Variants in SLC5A9 observed in about 807,000 individuals in gnomAD.
SLC5A9 encodes the protein solute carrier family 5 member 9, also known as sodium/glucose cotransporter 4.
SLC5A9 carries 59 observed loss-of-function variants against 70.9 expected under a neutral mutation model. That is an observed-to-expected ratio of 0.83 (90% CI 0.68 to 1.03). The LOEUF (loss-of-function observed/expected upper bound fraction) is 1.03. Ranked by LOEUF, SLC5A9 falls within the 50% of genes least tolerant of loss-of-function variation. The pLI is 0.00. For synonymous variants in SLC5A9, 340 were observed against 346.5 expected, an observed-to-expected ratio of 0.98 and a Z score of 0.21; for missense variants, 832 against 881.1, an observed-to-expected ratio of 0.94 and a Z score of 0.71.
In SLC5A9 at chr1:48,235,728, G is replaced by C. The variant is rs1241496293; in HGVS notation, c.1142-1G>C. The C allele has an allele frequency of 4.3e-6, 7 of 1,614,168 alleles. No homozygotes were observed. The highest frequency in any genetic ancestry group is 5.9e-6 in the Non-Finnish European group (7 of 1,180,028). Reference sequence around the variant, plus strand: ...TTCACATGAGCCTCGTCTCTCCCCAGGTCTGCGGGGGCTGATGATTGCCGT... The same window carrying C: ...TTCACATGAGCCTCGTCTCTCCCCACGTCTGCGGGGGCTGATGATTGCCGT... On this transcript the variant is annotated splice_acceptor_variant, in intron 9 of 13. Transcript: ENST00000438567. LOFTEE classifies it high-confidence loss of function.
At chr1:48,224,006 C>T (rs933770384) in intron 1 of SLC5A9, among the ~76,000 whole-genome samples, 1 of 152,228 alleles carries the variant, frequency 6.6e-6, no homozygotes, top group African/African-American at 2.4e-5. Flanking sequence ...TTTATCACTC[C>T]CTCGTGACTG....
chr1:48,237,551 A>G, intron 10 of SLC5A9, 128 bp from the exon 11 acceptor site: 1 of 867,728 alleles, frequency 1.2e-6, no homozygotes, highest in Non-Finnish European at 1.8e-6. Flanking sequence ...CTGGCTGCCA[A>G]CCTTCTCTGA....
chr1:48,231,431 C>G, intron 5 of SLC5A9, 114 bp from the exon 6 acceptor site: 1 of 1,304,152 alleles, frequency 7.7e-7, no homozygotes. Context: ...AGTTCCCCTG[C>G]TAAGAGGGCT....
chr1:48,232,157 C>T lies in SLC5A9; in HGVS notation c.897+6C>T, dbSNP rs373477132. Reference sequence around the variant, plus strand: ...GGTGTTGGTGCACAGACCAGGTAATCCCCCAGCCAGGCTTAGCCCAGCCTG... The same window carrying T: ...GGTGTTGGTGCACAGACCAGGTAATTCCCCAGCCAGGCTTAGCCCAGCCTG... On this transcript the variant is annotated splice_donor_region_variant and intron_variant, in intron 7 of 13. Coordinates refer to ENST00000438567, the MANE Select transcript of SLC5A9 (RefSeq NM_001011547.3). 1.7e-5 allele frequency: 28 copies of T among 1,605,164 alleles called. No homozygotes were observed. The African/African-American group carries it at 2.8e-4, about 16-fold the overall frequency.
chr1:48,227,164 AGAGT>A (rs1473287971), intron 2 of SLC5A9, among the ~76,000 whole-genome samples: 9 of 115,554 alleles, frequency 7.8e-5, no homozygotes, highest in African/African-American at 1.6e-4. Context: ...TGTGTGTGTC[AGAGT>A]GTGTGTGCGT....
chr1:48,232,159 C>G lies in SLC5A9; in HGVS notation c.897+8C>G, dbSNP rs763468016. 28 of 1,604,518 alleles carry G rather than the reference C, an allele frequency of 1.7e-5. No homozygotes were observed. The highest frequency in any genetic ancestry group is 2.4e-5 in the Non-Finnish European group (28 of 1,173,342). On this transcript the variant is annotated splice_region_variant and intron_variant, in intron 7 of 13. Transcript: ENST00000438567. Reference sequence around the variant, plus strand: ...TGTTGGTGCACAGACCAGGTAATCCCCCAGCCAGGCTTAGCCCAGCCTGCC... The same window carrying G: ...TGTTGGTGCACAGACCAGGTAATCCGCCAGCCAGGCTTAGCCCAGCCTGCC...
intron 13 of SLC5A9, among the ~76,000 whole-genome samples, chr1:48,244,212 T>C (rs1274615797): frequency 1.3e-5 from 2 of 152,224 alleles, no homozygotes; most frequent in Non-Finnish European, 2.9e-5. Context: ...TGGCCATAGC[T>C]CTAGTTTTAT....
At chr1:48,240,696 T>C (rs536407214) in intron 12 of SLC5A9, among the ~76,000 whole-genome samples, 1 of 152,310 alleles carries the variant, frequency 6.6e-6, no homozygotes, top group Admixed American at 6.5e-5. Flanking sequence ...TCCCGAAGTC[T>C]TCCCCAGTTG....
intron 1 of SLC5A9, among the ~76,000 whole-genome samples, 167 bp from the exon 2 acceptor site, chr1:48,224,557 C>A (rs10788884): frequency 0.58 from 87,874 of 151,984 alleles, 28,003 homozygotes; most frequent in East Asian, 0.99. Context: ...CAAGATACAT[C>A]GCTTAGAAAC....
intron 13 of SLC5A9, among the ~76,000 whole-genome samples, chr1:48,244,714 A>AT (rs1383590216): frequency 1.1e-5 from 1 of 94,944 alleles, no homozygotes; most frequent in Admixed American, 1.3e-4. Flanking sequence ...CTTTGCAAAT[A>AT]TATATATATA....
Position 48,229,303 on chromosome 1 carries a change from G to C in SLC5A9, c.348G>C (p.Trp116Cys). The change falls in exon 4 of 14, where the codon TGG (tryptophan) becomes TGC (cysteine). Residue 116 changes from tryptophan to cysteine, a missense_variant. By Grantham distance (215) the Trp-to-Cys change is radical. Coordinates refer to ENST00000438567, the MANE Select transcript of SLC5A9 (RefSeq NM_001011547.3). ...AVGGFEWNAT[W>C]LLLALGWVFV... ...TCTCCCCACTCTCCCAGGCAACCTG[G>C]CTGCTCCTGGCCCTTGGCTGGGTCT... 6.2e-7 allele frequency: 1 copy of C among 1,614,124 alleles called. No individual in the cohort carries two copies. The highest frequency in any genetic ancestry group is 8.5e-7 in the Non-Finnish European group (1 of 1,180,032).
At position 48,226,999 on chromosome 1, in the gene SLC5A9, G is replaced by A. The variant is rs567651188; in HGVS notation, c.235-1851G>A. On this transcript the variant is annotated intron_variant, in intron 2 of 13. Coordinates refer to ENST00000438567, the MANE Select transcript of SLC5A9 (RefSeq NM_001011547.3). Reference sequence around the variant, plus strand: ...TTTCCATGTGTGAGTATGTATGCATGTGTGAATGTGGGCACTGTGTGTGTG... The same window carrying A: ...TTTCCATGTGTGAGTATGTATGCATATGTGAATGTGGGCACTGTGTGTGTG... 4.6e-5 allele frequency among the ~76,000 whole-genome samples: 7 copies of A among 152,160 alleles called. No homozygotes were observed. In the East Asian group the frequency reaches 9.7e-4, roughly 21 times the overall value.
chr1:48,233,660 G>T lies in SLC5A9; in HGVS notation c.1039G>T (p.Val347Leu). Residue 347 changes from valine (V) to leucine (L), a missense_variant, in exon 9 of 14, where the codon GTG becomes TTG. By Grantham distance (32) the Val-to-Leu change is conservative. Transcript: ENST00000438567. Reference protein sequence around the residue: ...MISRALFPDEVGCVDPDVCQR... With the variant: ...MISRALFPDELGCVDPDVCQR... ...TGCCATTACTTCTTCCACAGACGAG[G>T]TGGGCTGCGTGGACCCTGATGTCTG... 1 of 1,613,872 alleles carries T rather than the reference G, an allele frequency of 6.2e-7. No homozygotes were observed. The highest frequency in any genetic ancestry group is 8.5e-7 in the Non-Finnish European group (1 of 1,179,850).
intron 2 of SLC5A9, among the ~76,000 whole-genome samples, chr1:48,227,137 CGG>C (rs1644160823): frequency 6.9e-6 from 1 of 145,472 alleles, no homozygotes; most frequent in Admixed American, 6.8e-5. Context: ...ATGTGTGCGA[CGG>C]TGCAAGTGCA....
intron 12 of SLC5A9, among the ~76,000 whole-genome samples, chr1:48,240,044 T>C (rs777055997): frequency 1.8e-4 from 28 of 152,186 alleles, no homozygotes; most frequent in Non-Finnish European, 2.9e-5. Flanking sequence ...AGAACTCAAA[T>C]TGAAATCCTC....
At position 48,224,725 on chromosome 1, in the gene SLC5A9, C is replaced by T. The variant is rs568504882; in HGVS notation, c.164C>T (p.Ser55Leu). The T allele has an allele frequency of 1.2e-5, 19 of 1,614,030 alleles. No individual in the cohort carries two copies. The highest frequency in any genetic ancestry group is 5.0e-5 in the Admixed American group (3 of 60,018). The part of the protein sequence containing the change: ...FVFVIAVGIW[S>L]SIRASRGTIG... Reference sequence around the variant, plus strand: ...TCATCTCATCTATTTCCTTTCCAGTCGTCCATCCGTGCAAGTCGAGGGACC... The same window carrying T: ...TCATCTCATCTATTTCCTTTCCAGTTGTCCATCCGTGCAAGTCGAGGGACC... The change falls in exon 2 of 14, where the codon TCG (serine) becomes TTG (leucine). Residue 55 changes from serine (S) to leucine (L), a missense_variant and splice_region_variant. By Grantham distance (145) the Ser-to-Leu change is moderately radical. Coordinates refer to ENST00000438567, the MANE Select transcript of SLC5A9 (RefSeq NM_001011547.3).
chr1:48,228,338 T>C lies in SLC5A9; in HGVS notation c.235-512T>C, dbSNP rs78961405. On this transcript the variant is annotated intron_variant, in intron 2 of 13. Transcript: ENST00000438567. The stretch of plus-strand genomic sequence containing the variant: ...GCCCTGATCATGCTCACCATCATCA[T>C]TGCTCTCTACTGCCTCCAAGTGCTT... The C allele has an allele frequency of 2.6e-3, 422 of 160,222 alleles. 3 individuals carry two copies. The highest frequency in any genetic ancestry group is 9.6e-3 in the African/African-American group (401 of 41,628). The allele number at this position is 160,222 out of a possible 1,614,324, so 9.9% of individuals were successfully genotyped here.
Position 48,229,337 on chromosome 1 carries a change from G to T in SLC5A9, c.382G>T (p.Val128Leu). The change falls in exon 4 of 14, where the codon GTG becomes TTG. Residue 128 changes from valine to leucine, a missense_variant. Physicochemically the swap from Val to Leu is conservative, Grantham distance 32. Transcript: ENST00000438567. ...GGCCCTTGGCTGGGTCTTCGTCCCT[G>T]TGTACATCGCAGCAGGTGTGGTCAC... Reference protein sequence around the residue: ...LLALGWVFVPVYIAAGVVTMP... With the variant: ...LLALGWVFVPLYIAAGVVTMP... 2 of 1,614,068 alleles carry T rather than the reference G, an allele frequency of 1.2e-6. No homozygotes were observed. Among genetic ancestry groups the T allele is most frequent in the Non-Finnish European group, 1.7e-6 (2 of 1,179,916 alleles).
intron 2 of SLC5A9, among the ~76,000 whole-genome samples, chr1:48,225,381 G>A (rs761854356): frequency 1.2e-4 from 18 of 151,970 alleles, no homozygotes; most frequent in Non-Finnish European, 2.2e-4. Flanking sequence ...GGGAATCACA[G>A]AGGTAAAATC....
Sources: allele counts gnomAD v4.1 joint callset (sites outside exome capture counted in the v4.1 genomes callset), GRCh38; gene constraint gnomAD v4.1.1; transcripts MANE v1.5; gene names NCBI Gene and HGNC (gene_info 2026-07-23, HGNC 2026-07-21).